PHACTR3: variants seen among roughly 807,000 people sequenced by gnomAD.
PHACTR3 encodes phosphatase and actin regulator 3, also known as protein phosphatase 1, regulatory subunit 123.
PHACTR3 carries 16 observed loss-of-function variants against 66.8 expected under a neutral mutation model. The ratio of observed to expected loss-of-function variants is 0.24; its 90% CI spans 0.16 to 0.36. The LOEUF is 0.36. Ranked by LOEUF, PHACTR3 falls within the 10% of genes least tolerant of loss-of-function variation. The probability of loss-of-function intolerance (pLI) is 1.00; values close to 1 mark genes in which losing one functional copy is unlikely to be tolerated. For missense variants in PHACTR3, 647 were observed against 719.9 expected (o/e 0.90, Z 1.16); for synonymous variants, 323 against 292.1 (o/e 1.11, Z -1.08).
chr20:59,633,102 C>T (rs746309101), intron 1 of PHACTR3, among the ~76,000 whole-genome samples: 49 of 152,168 alleles, frequency 3.2e-4, no homozygotes, highest in Admixed American at 1.0e-3. Flanking sequence ...CTGGGAGGAC[C>T]TGTCACACTC....
intron 1 of PHACTR3, among the ~76,000 whole-genome samples, chr20:59,582,762 C>T (rs534361060): frequency 2.8e-4 from 43 of 152,182 alleles, no homozygotes; most frequent in Admixed American, 1.1e-3. Context: ...CCAGGGGGGT[C>T]GTTCGTGTGT....
At chr20:59,621,387 A>G (rs923757431) in intron 1 of PHACTR3, among the ~76,000 whole-genome samples, 2 of 152,236 alleles carry the variant, frequency 1.3e-5, no homozygotes, top group Non-Finnish European at 2.9e-5. Flanking sequence ...CACAGGGATT[A>G]GGTGGGGCCA....
At chr20:59,755,944 C>T (rs1265430562) in intron 4 of PHACTR3, among the ~76,000 whole-genome samples, 1 of 152,098 alleles carries the variant, frequency 6.6e-6, no homozygotes, top group East Asian at 1.9e-4. Context: ...CCTCAGTTTC[C>T]CTCTGTTAAA....
chr20:59,766,999 A>G (rs1025439346), intron 4 of PHACTR3, among the ~76,000 whole-genome samples, 187 bp from the exon 5 acceptor site: 1 of 152,132 alleles, frequency 6.6e-6, no homozygotes. Flanking sequence ...CTCTCTCCAT[A>G]TTCCTCTCTC....
intron 1 of PHACTR3, among the ~76,000 whole-genome samples, chr20:59,732,884 G>C (rs1044318076): frequency 2.6e-5 from 4 of 152,128 alleles, no homozygotes; most frequent in Non-Finnish European, 5.9e-5. Flanking sequence ...GCATTGTGCA[G>C]TTGTTGAGGT....
In PHACTR3 at chr20:59,666,581, GGAGA is replaced by G. The variant is rs768733251; in HGVS notation, c.118+61456_118+61459del. 4.0e-5 allele frequency among the ~76,000 whole-genome samples: 6 copies of G among 151,644 alleles called. No homozygotes were observed. In the East Asian group the frequency reaches 5.8e-4, roughly 15 times the overall value. On this transcript the variant is annotated intron_variant, in intron 1 of 12. Transcript: ENST00000371015. ...AAGAGAGACAGAGACAGAGAGACAG[GGAGA>G]GAGAGAAAGGAAGAGAAAGATGGAG...
Position 59,800,079 on chromosome 20 carries a change from G to A in PHACTR3, c.1175-5962G>A, listed in dbSNP as rs367571660. 2.0e-5 allele frequency among the ~76,000 whole-genome samples: 3 copies of A among 152,168 alleles called. No homozygotes were observed. In the South Asian group the frequency reaches 6.2e-4, roughly 31 times the overall value. ...CACTTTTAGTCTCATGACCTCACCA[G>A]AGTATACTTCTGTTCTCCTTTCCCA... On this transcript the variant is annotated intron_variant, in intron 7 of 12. Transcript: ENST00000371015.
intron 1 of PHACTR3, among the ~76,000 whole-genome samples, chr20:59,612,430 G>A (rs1282722102): frequency 6.6e-6 from 1 of 151,458 alleles, no homozygotes; most frequent in Non-Finnish European, 1.5e-5. Flanking sequence ...ACGCCATCTC[G>A]GCTCACTGTG....
intron 3 of PHACTR3, among the ~76,000 whole-genome samples, chr20:59,753,840 G>A (rs1172289309): frequency 1.3e-5 from 2 of 152,352 alleles, no homozygotes; most frequent in East Asian, 3.9e-4. Flanking sequence ...AAGGGACACT[G>A]TTGAAGGACA....
intron 7 of PHACTR3, among the ~76,000 whole-genome samples, chr20:59,775,795 G>C (rs561513298): frequency 1.3e-5 from 2 of 152,294 alleles, no homozygotes; most frequent in East Asian, 3.9e-4. Context: ...TGCTATGAGG[G>C]TGCACTTCTG....
chr20:59,650,740 C>CCAA (rs776308354), intron 1 of PHACTR3, among the ~76,000 whole-genome samples: 1 of 61,480 alleles, frequency 1.6e-5, no homozygotes, highest in African/African-American at 6.5e-5. Flanking sequence ...GCGTTGATAG[C>CCAA]AAAAAAAAAA....
chr20:59,813,689 C>T (rs553311306), intron 8 of PHACTR3, among the ~76,000 whole-genome samples: 4 of 152,178 alleles, frequency 2.6e-5, no homozygotes, highest in Admixed American at 2.0e-4. Flanking sequence ...GAAGCAGCAC[C>T]GCCTTCCCAG....
At chr20:59,624,878 C>A (rs2034389377) in intron 1 of PHACTR3, among the ~76,000 whole-genome samples, 2 of 152,186 alleles carry the variant, frequency 1.3e-5, no homozygotes, top group South Asian at 2.1e-4. Context: ...ACTAATGAAC[C>A]ACTCTTGAAA....
chr20:59,665,901 C>T (rs2035969637), intron 1 of PHACTR3, among the ~76,000 whole-genome samples: 1 of 152,138 alleles, frequency 6.6e-6, no homozygotes, highest in Admixed American at 6.5e-5. Flanking sequence ...TTCATGATGC[C>T]AGGGGACTGC....
intron 1 of PHACTR3, among the ~76,000 whole-genome samples, chr20:59,620,363 T>C (rs546783701): frequency 1.4e-4 from 22 of 152,176 alleles, no homozygotes; most frequent in Non-Finnish European, 2.4e-4. Context: ...CTTATCTGAA[T>C]TGAGTCCATT....
intron 1 of PHACTR3, among the ~76,000 whole-genome samples, chr20:59,606,179 A>G (rs914577357): frequency 6.6e-6 from 1 of 152,136 alleles, no homozygotes; most frequent in Admixed American, 6.5e-5. Flanking sequence ...TGGGCATCAG[A>G]ATCCCTGGGG....
At chr20:59,604,334 C>T (rs531107279), upstream of PHACTR3, among the ~76,000 whole-genome samples, 1 of 152,220 alleles carries the variant, frequency 6.6e-6, no homozygotes, top group South Asian at 2.1e-4. Context: ...TTTCCTGTTT[C>T]TAGAGCACGG....
chr20:59,713,819 C>T (rs577502602), intron 1 of PHACTR3, among the ~76,000 whole-genome samples: 103 of 151,708 alleles, frequency 6.8e-4, no homozygotes, highest in African/African-American at 2.5e-3. Flanking sequence ...TTAGTAGATA[C>T]TGTGAAACAG....
chr20:59,823,208 C>T (rs562750703), intron 8 of PHACTR3, among the ~76,000 whole-genome samples: 1 of 152,308 alleles, frequency 6.6e-6, no homozygotes, highest in Admixed American at 6.5e-5. Flanking sequence ...TCACTCCCAC[C>T]TCATCCATCT....
Sources: gnomAD v4.1 joint callset for allele counts (sites outside exome capture counted in the v4.1 genomes callset) on GRCh38, gnomAD v4.1.1 for gene constraint, MANE v1.5 for transcripts, NCBI Gene and HGNC (gene_info 2026-07-23, HGNC 2026-07-21) for gene names.